The following ANKFN1 variants were observed in gnomAD, a reference collection of about 807,000 sequenced individuals.
ANKFN1 encodes the protein ankyrin repeat and fibronectin type III domain containing 1, also known as ankyrin repeat and fibronectin type-III domain-containing protein 1.
Under a neutral mutation model 108.7 loss-of-function variants are expected in ANKFN1, and 74 were observed. The observed-to-expected ratio is 0.68, with a 90% CI of 0.56 to 0.83. The LOEUF is 0.83. Among genes scored for constraint, ANKFN1 ranks in the 40% least tolerant of loss-of-function variants. ANKFN1 has a pLI of 0.00. For synonymous variants in ANKFN1, 547 were observed against 516.2 expected (o/e 1.06, Z -0.81); for missense variants, 1,505 against 1,382.3 (o/e 1.09, Z -1.41).
intron 3 of ANKFN1, among the ~76,000 whole-genome samples, chr17:56,242,678 C>G (rs2144008914): frequency 6.6e-6 from 1 of 152,080 alleles, no homozygotes; most frequent in African/African-American, 2.4e-5. Context: ...GGTTTTATTG[C>G]ATTGCCTTGG....
At chr17:56,468,337 A>G (rs1207842567) in intron 15 of ANKFN1, among the ~76,000 whole-genome samples, 1 of 152,184 alleles carries the variant, frequency 6.6e-6, no homozygotes, top group Non-Finnish European at 1.5e-5. Flanking sequence ...ACACCAACCC[A>G]TGTATGCTCC....
At chr17:56,389,770 T>C (rs1258244225) in intron 8 of ANKFN1, among the ~76,000 whole-genome samples, 2 of 152,212 alleles carry the variant, frequency 1.3e-5, no homozygotes. Flanking sequence ...ATAAGAAGTT[T>C]TTGGAATATG....
chr17:56,299,915 T>C (rs1278863289), intron 3 of ANKFN1, among the ~76,000 whole-genome samples: 1 of 152,218 alleles, frequency 6.6e-6, no homozygotes, highest in Non-Finnish European at 1.5e-5. Context: ...TACACACCCC[T>C]CTGAATTCTC....
chr17:56,440,721 G>A (rs1420992568), intron 9 of ANKFN1, among the ~76,000 whole-genome samples: 3 of 152,146 alleles, frequency 2.0e-5, no homozygotes, highest in African/African-American at 4.8e-5. Flanking sequence ...GGGGAAAGCA[G>A]GGAGTGGATC....
In ANKFN1 at chr17:56,512,484, C is replaced by G. The variant is rs1296363702; in HGVS notation, c.*1215C>G. On this transcript the variant is annotated 3_prime_UTR_variant, in exon 21 of 21. Transcript: ENST00000682825. ...AATTCCAAGGATGTGCTAAAAACAT[C>G]TGGAAATCTTGCTTTGGTCTCATTA... 1.3e-5 allele frequency among the ~76,000 whole-genome samples: 2 copies of G among 152,230 alleles called. No homozygotes were observed. The highest frequency in any genetic ancestry group is 4.8e-5 in the African/African-American group (2 of 41,466).
intron 4 of ANKFN1, among the ~76,000 whole-genome samples, chr17:56,053,379 CAAGTGT>C (rs1904811304): frequency 6.6e-6 from 1 of 152,170 alleles, no homozygotes; most frequent in Non-Finnish European, 1.5e-5. Flanking sequence ...TTAGCACCCA[CAAGTGT>C]AAATGAGAGC....
intron 4 of ANKFN1, among the ~76,000 whole-genome samples, chr17:56,071,981 T>G (rs1460340731): frequency 6.6e-6 from 1 of 152,256 alleles, no homozygotes; most frequent in African/African-American, 2.4e-5. Context: ...CAGGGATTTG[T>G]GAATTCTGCT....
At chr17:56,209,240 T>G (rs1354328451) in intron 1 of ANKFN1, among the ~76,000 whole-genome samples, 1 of 152,134 alleles carries the variant, frequency 6.6e-6, no homozygotes. Context: ...CTGAGCAAAT[T>G]TACCCTAGTG....
At chr17:56,098,003 G>A (rs1313595877) in intron 4 of ANKFN1, among the ~76,000 whole-genome samples, 9 of 152,152 alleles carry the variant, frequency 5.9e-5, no homozygotes, top group African/African-American at 1.7e-4. Context: ...TCTTGAAAAG[G>A]GGAGCTTATC....
intron 18 of ANKFN1, among the ~76,000 whole-genome samples, chr17:56,487,371 C>T (rs1165849545): frequency 6.6e-6 from 1 of 152,112 alleles, no homozygotes; most frequent in Non-Finnish European, 1.5e-5. Context: ...TATCAGGTGA[C>T]GTGGCCCCTT....
At chr17:56,385,698 T>C (rs1468977901) in intron 8 of ANKFN1, among the ~76,000 whole-genome samples, 5 of 152,110 alleles carry the variant, frequency 3.3e-5, no homozygotes, top group Non-Finnish European at 7.4e-5. Context: ...GACATTTATG[T>C]AGCCAAAAAA....
chr17:56,052,108 C>T (rs990048979), intron 4 of ANKFN1, among the ~76,000 whole-genome samples: 1 of 151,852 alleles, frequency 6.6e-6, no homozygotes, highest in Non-Finnish European at 1.5e-5. Context: ...GCCCGCATTG[C>T]CAAGTCAATC....
intron 19 of ANKFN1, among the ~76,000 whole-genome samples, chr17:56,495,887 G>A (rs1390808282): frequency 6.6e-6 from 1 of 152,110 alleles, no homozygotes; most frequent in African/African-American, 2.4e-5. Flanking sequence ...CCTGAGTAAA[G>A]AGAAAGGAAT....
intron 3 of ANKFN1, among the ~76,000 whole-genome samples, chr17:56,233,316 G>A (rs909874829): frequency 3.3e-5 from 5 of 151,986 alleles, no homozygotes; most frequent in African/African-American, 4.8e-5. Flanking sequence ...GAATATAACC[G>A]ACTGCTTCAT....
At chr17:56,463,922 T>C (rs528720432) in intron 14 of ANKFN1, 25 of 152,320 alleles carry the variant, frequency 1.6e-4, no homozygotes, top group African/African-American at 5.8e-4. Context: ...GCCTAGGGCT[T>C]ATTGACAGCC....
At chr17:56,200,822 G>A (rs1368100795) in intron 1 of ANKFN1, among the ~76,000 whole-genome samples, 1 of 152,194 alleles carries the variant, frequency 6.6e-6, no homozygotes, top group East Asian at 1.9e-4. Context: ...ATGAAGCAGA[G>A]GCAATCTATT....
Position 56,405,204 on chromosome 17 carries a change from A to G in ANKFN1, c.910+30490A>G, listed in dbSNP as rs866106149. On this transcript the variant is annotated intron_variant, in intron 8 of 20. Coordinates refer to ENST00000682825, the MANE Select transcript of ANKFN1 (RefSeq NM_001370326.1). Reference sequence around the variant, plus strand: ...TAGTATCCATATTTCTAATATATAAATAGCTCTTGAAATATATATGAAAAA... The same window carrying G: ...TAGTATCCATATTTCTAATATATAAGTAGCTCTTGAAATATATATGAAAAA... Among the ~76,000 whole-genome samples the G allele has an allele frequency of 3.0e-4, 45 of 152,342 alleles. No homozygotes were observed. The Middle Eastern group carries it at 0.01, about 35-fold the overall frequency.
chr17:56,275,294 C>T (rs2043897358), intron 3 of ANKFN1, among the ~76,000 whole-genome samples: 1 of 151,272 alleles, frequency 6.6e-6, no homozygotes, highest in Non-Finnish European at 1.5e-5. Context: ...AGGAGATGAA[C>T]ATTATGAAAG....
At chr17:56,348,083 G>A (rs561801448) in intron 4 of ANKFN1, among the ~76,000 whole-genome samples, 30 of 152,144 alleles carry the variant, frequency 2.0e-4, no homozygotes, top group African/African-American at 6.7e-4. Context: ...GAGCCAGCTT[G>A]CATATGAATC....
Sources: gnomAD v4.1 joint callset for allele counts (sites outside exome capture counted in the v4.1 genomes callset) on GRCh38, gnomAD v4.1.1 for gene constraint, MANE v1.5 for transcripts, NCBI Gene and HGNC (gene_info 2026-07-23, HGNC 2026-07-21) for gene names.